The following XRRA1 variants were observed in gnomAD, a reference collection of about 807,000 sequenced individuals.
The protein encoded by XRRA1 is X-ray radiation resistance-associated protein 1.
A neutral mutation model predicts 80.2 loss-of-function variants in XRRA1; 69 were observed. That is an observed-to-expected ratio of 0.86 (90% CI 0.71 to 1.05). The LOEUF is 1.05. Among genes scored for constraint, XRRA1 ranks in the 50% least tolerant of loss-of-function variants. The probability of loss-of-function intolerance (pLI) is 0.00; values close to 1 mark genes in which losing one functional copy is unlikely to be tolerated. For synonymous variants in XRRA1, 348 were observed against 389.9 expected (o/e 0.89, Z 1.27); for missense variants, 967 against 976.4 (o/e 0.99, Z 0.13).
intron 2 of XRRA1, among the ~76,000 whole-genome samples, chr11:74,942,381 A>T (rs1489477194): frequency 6.6e-6 from 1 of 152,206 alleles, no homozygotes; most frequent in Non-Finnish European, 1.5e-5. Context: ...AGTGAATATA[A>T]GCAAGTTTTT....
chr11:74,877,059 A>G (rs1157428330), intron 10 of XRRA1: 1 of 152,192 alleles, frequency 6.6e-6, no homozygotes, highest in African/African-American at 2.4e-5. Context: ...TTGCAGTAGG[A>G]CTATATACTG....
At chr11:74,921,041 C>T (rs1042214570) in intron 8 of XRRA1, among the ~76,000 whole-genome samples, 173 bp downstream of exon 8, 9 of 152,148 alleles carry the variant, frequency 5.9e-5, no homozygotes, top group African/African-American at 2.2e-4. Context: ...CCTAACAGCA[C>T]ACAGGAAATT....
chr11:74,890,866 CTCTGAATAGACCA>C (rs2050484678), intron 10 of XRRA1, among the ~76,000 whole-genome samples: 1 of 152,190 alleles, frequency 6.6e-6, no homozygotes, highest in Non-Finnish European at 1.5e-5. Context: ...GAAGTTGAAT[CTCTGAATAGACCA>C]ATAACAGGAG....
chr11:74,845,815 C>T (rs561486748), intron 15 of XRRA1: 1 of 154,252 alleles, frequency 6.5e-6, no homozygotes, highest in East Asian at 1.9e-4. Context: ...TATGCTCACT[C>T]TGATGGCAAA....
intron 3 of XRRA1, among the ~76,000 whole-genome samples, chr11:74,939,624 G>T (rs534413206): frequency 7.2e-5 from 11 of 152,088 alleles, no homozygotes; most frequent in African/African-American, 2.7e-4. Flanking sequence ...CCCTAGTCCT[G>T]CAAACAACTA....
At chr11:74,941,962 A>T (rs1946414392) in intron 2 of XRRA1, among the ~76,000 whole-genome samples, 1 of 152,130 alleles carries the variant, frequency 6.6e-6, no homozygotes, top group Non-Finnish European at 1.5e-5. Context: ...AAATTAAAAA[A>T]AATTAGCCAG....
Sources: allele counts gnomAD v4.1 joint callset (sites outside exome capture counted in the v4.1 genomes callset), GRCh38; gene constraint gnomAD v4.1.1; transcripts MANE v1.5; gene names NCBI Gene and HGNC (gene_info 2026-07-23, HGNC 2026-07-21).